The following TBC1D16 variants were observed in gnomAD, a reference collection of about 807,000 sequenced individuals.
The protein encoded by TBC1D16 is CTD-2529O21.1.
Under a neutral mutation model 74.7 loss-of-function variants are expected in TBC1D16, and 58 were observed. The ratio of observed to expected loss-of-function variants is 0.78; its 90% confidence interval spans 0.63 to 0.97. TBC1D16 has a LOEUF of 0.97. Ranked by LOEUF, TBC1D16 falls within the 50% of genes least tolerant of loss-of-function variation. The pLI is 0.00. For missense variants in TBC1D16, 1,014 were observed against 1,079.5 expected (o/e 0.94, Z 0.85); for synonymous variants, 493 against 474.7 (o/e 1.04, Z -0.50).
chr17:80,030,719 C>T (rs375466998), intron 1 of TBC1D16, among the ~76,000 whole-genome samples: 200 of 152,324 alleles, frequency 1.3e-3, no homozygotes, highest in Middle Eastern at 0.01. Context: ...GCAGTTCCCA[C>T]TCACCAGAGG....
rs1385429063 is a variant in TBC1D16, at chr17:79,994,946, G to A, written c.779+15214C>T. ...GAATGATACTATTTTGAACAAGCTG[G>A]GTAATTTACAAAAATTTTCACCTTT... On this transcript the variant is annotated intron_variant, in intron 3 of 11. Coordinates refer to ENST00000310924, the MANE Select transcript of TBC1D16 (RefSeq NM_019020.4). The surrounding 1 kb of genome is among the most constrained non-coding windows in gnomAD (Gnocchi z 4.6). Among the ~76,000 whole-genome samples the A allele has an allele frequency of 9.2e-5, 14 of 152,152 alleles. No homozygotes were observed. The highest frequency in any genetic ancestry group is 7.2e-4 in the Admixed American group (11 of 15,266).
Position 79,981,437 on chromosome 17 carries a change from C to A in TBC1D16, c.780-28619G>T, listed in dbSNP as rs901445802. Among the ~76,000 whole-genome samples the A allele has an allele frequency of 2.0e-5, 3 of 152,350 alleles. No individual in the cohort carries two copies. The highest frequency in any genetic ancestry group is 1.3e-4 in the Admixed American group (2 of 15,310). ...CCTCTAATACCTCCTCAGAGCTTTC[C>A]GGAGAGAAGGGAGGAAGCCAGGGAA... On this transcript the variant is annotated intron_variant, in intron 3 of 11. Coordinates refer to ENST00000310924, the MANE Select transcript of TBC1D16 (RefSeq NM_019020.4). The surrounding 1 kb of genome is among the most constrained non-coding windows in gnomAD (Gnocchi z 6.9).
intron 3 of TBC1D16, among the ~76,000 whole-genome samples, chr17:79,998,039 C>T (rs1029471805): frequency 6.7e-5 from 10 of 148,740 alleles, no homozygotes; most frequent in African/African-American, 2.5e-4. Context: ...GCAGGAAAAT[C>T]GCTTGAACCC....
intron 3 of TBC1D16, among the ~76,000 whole-genome samples, chr17:79,997,099 C>T (rs944973360): frequency 2.0e-5 from 3 of 152,174 alleles, no homozygotes; most frequent in African/African-American, 7.2e-5. Flanking sequence ...TGCCCTGTGC[C>T]AGGGCAGCGT....
chr17:80,008,468 AC>A lies in TBC1D16; in HGVS notation c.779+1691del, dbSNP rs2035758876. On this transcript the variant is annotated intron_variant, in intron 3 of 11. Transcript: ENST00000310924. The surrounding 1 kb of genome is among the most constrained non-coding windows in gnomAD (Gnocchi z 4.5). ...TCCTCAGCCCCAAGACCGTGGGCCA[AC>A]CCCACCACCTCTCTGAGACACAACT... 6.6e-6 allele frequency among the ~76,000 whole-genome samples: 1 copy of A among 151,738 alleles called. No homozygotes were observed. Among genetic ancestry groups the A allele is most frequent in the Admixed American group, 6.6e-5 (1 of 15,216 alleles).
chr17:80,013,541 G>C lies in TBC1D16; in HGVS notation c.7C>G (p.Leu3Val). The C allele has an allele frequency of 1.3e-6, 2 of 1,515,086 alleles. No individual in the cohort carries two copies. Among genetic ancestry groups the C allele is most frequent in the Non-Finnish European group, 1.8e-6 (2 of 1,130,436 alleles). The allele number at this position is 1,515,086 out of a possible 1,614,324, so 93.9% of individuals were successfully genotyped here. Residue 3 changes from leucine (L) to valine (V), a missense_variant, in exon 2 of 12, where the codon CTG becomes GTG. Coordinates refer to ENST00000310924, the MANE Select transcript of TBC1D16 (RefSeq NM_019020.4). MS[L>V]GRLLRRASSK... is the part of the protein sequence containing the mutation. The stretch of plus-strand genomic sequence containing the variant: ...GAGGCCCTGCGAAGGAGGCGGCCCA[G>C]AGACATTGCCGGGCAAGTGTTTCCA...
intron 3 of TBC1D16, among the ~76,000 whole-genome samples, chr17:79,999,791 G>T (rs1438279454): frequency 6.6e-6 from 1 of 151,958 alleles, no homozygotes. Flanking sequence ...TGATCCGCCC[G>T]CCTTGGGCTC....
intron 1 of TBC1D16, among the ~76,000 whole-genome samples, chr17:80,034,435 C>T (rs1006575049): frequency 6.6e-6 from 1 of 152,108 alleles, no homozygotes; most frequent in Non-Finnish European, 1.5e-5. Flanking sequence ...CTCCTGACCT[C>T]AGGTGATCCG....
rs972053043 is a variant in TBC1D16, at chr17:79,943,947, C to T, written c.1908+961G>A. The stretch of plus-strand genomic sequence containing the variant: ...AGACCGTCCATGCCGTGCTTCCCTT[C>T]GTTAATGCAGATCGTCCACCCTGCA... On this transcript the variant is annotated intron_variant, in intron 10 of 11. Transcript: ENST00000310924. The T allele has an allele frequency of 3.5e-4, 512 of 1,481,534 alleles. 1 individual carries two copies. Among genetic ancestry groups the T allele is most frequent in the Non-Finnish European group, 3.9e-4 (437 of 1,114,556 alleles). The allele number at this position is 1,481,534 out of a possible 1,614,324, so 91.8% of individuals were successfully genotyped here. A position where few individuals can be genotyped will look rare whatever the true frequency, so the allele number is the denominator to read the frequency against.
At position 79,938,944 on chromosome 17, in the gene TBC1D16, G is replaced by A. The variant is rs1427652071; in HGVS notation, c.*1915C>T. The A allele has an allele frequency of 6.6e-6, 1 of 152,586 alleles. No individual in the cohort carries two copies. The highest frequency in any genetic ancestry group is 2.4e-5 in the African/African-American group (1 of 41,450). The allele number at this position is 152,586 out of a possible 1,614,324, so 9.5% of individuals were successfully genotyped here. A position where few individuals can be genotyped will look rare whatever the true frequency, so the allele number is the denominator to read the frequency against. On this transcript the variant is annotated 3_prime_UTR_variant, in exon 12 of 12. Transcript: ENST00000310924. ...ATCCCCTGGGACTTAACAACCCACT[G>A]GCCCTAAACAAACAAGCCCAGCCTA...
intron 8 of TBC1D16, among the ~76,000 whole-genome samples, chr17:79,948,270 AC>A (rs1287143315): frequency 6.8e-6 from 1 of 148,064 alleles, no homozygotes; most frequent in Non-Finnish European, 1.5e-5. Context: ...CCGAGATCAC[AC>A]CACTGCACTC....
rs1277762835 is a variant in TBC1D16 at position 79,971,996 on chromosome 17, C to T, written c.780-19178G>A. 1.3e-5 allele frequency among the ~76,000 whole-genome samples: 2 copies of T among 152,046 alleles called. No homozygotes were observed. Among genetic ancestry groups the T allele is most frequent in the Non-Finnish European group, 1.5e-5 (1 of 68,008 alleles). ...CCTGGCATTGATTTTTAAAAAGGGT[C>T]GCTCAAAAGAACTGAAAGCAGGGAC... On this transcript the variant is annotated intron_variant, in intron 3 of 11. Coordinates refer to ENST00000310924, the MANE Select transcript of TBC1D16 (RefSeq NM_019020.4). The surrounding 1 kb of genome is among the most constrained non-coding windows in gnomAD (Gnocchi z 4.6).
At position 79,979,542 on chromosome 17, in the gene TBC1D16, C is replaced by T. The variant is rs911946397; in HGVS notation, c.780-26724G>A. Among the ~76,000 whole-genome samples, 2 of 152,182 alleles carry T rather than the reference C, an allele frequency of 1.3e-5. No individual in the cohort carries two copies. Among genetic ancestry groups the T allele is most frequent in the South Asian group, 4.1e-4 (2 of 4,828 alleles). On this transcript the variant is annotated intron_variant, in intron 3 of 11. Transcript: ENST00000310924. This position sits in a 1 kb window ranked among gnomAD's most constrained non-coding sequence, Gnocchi z 4.8. Reference sequence around the variant, plus strand: ...CCTGTGTCATCTCTGCAGGACCAAACAGTCAATTAGTATCCAAATACTTTT... The same window carrying T: ...CCTGTGTCATCTCTGCAGGACCAAATAGTCAATTAGTATCCAAATACTTTT...
chr17:79,947,621 C>T (rs1275860614), intron 9 of TBC1D16, 24 bp downstream of exon 9: 10 of 1,612,068 alleles, frequency 6.2e-6, no homozygotes, highest in African/African-American at 1.3e-5. Context: ...TGCCCTTGGA[C>T]GCACCCATCC....
chr17:79,989,825 G>A (rs1011230416), intron 3 of TBC1D16, among the ~76,000 whole-genome samples: 4 of 152,074 alleles, frequency 2.6e-5, no homozygotes, highest in African/African-American at 9.7e-5. Flanking sequence ...GTGCGGAGAG[G>A]GACCCACTGT....
In TBC1D16 at chr17:79,944,738, T is replaced by C. The variant is rs945644114; in HGVS notation, c.1908+170A>G. On this transcript the variant is annotated intron_variant, in intron 10 of 11. Transcript: ENST00000310924. The surrounding 1 kb of genome is among the most constrained non-coding windows in gnomAD (Gnocchi z 7.7). ...TTTCAGTGACTGGGGAGGCGAGCTGTAAGGTCTGAAGCCAGCCACGTGGGA... is the reference window on the plus strand; with the variant it reads ...TTTCAGTGACTGGGGAGGCGAGCTGCAAGGTCTGAAGCCAGCCACGTGGGA... Among the ~76,000 whole-genome samples the C allele has an allele frequency of 1.3e-5, 2 of 152,010 alleles. No individual in the cohort carries two copies. Among genetic ancestry groups the C allele is most frequent in the Non-Finnish European group, 2.9e-5 (2 of 67,990 alleles).
At chr17:80,017,608 G>A (rs544624213) in intron 1 of TBC1D16, among the ~76,000 whole-genome samples, 14 of 151,420 alleles carry the variant, frequency 9.2e-5, no homozygotes, top group African/African-American at 3.4e-4. Flanking sequence ...TTGAACCCAG[G>A]GGGCAGAGGT....
chr17:80,033,763 A>G (rs1336485601), intron 1 of TBC1D16, among the ~76,000 whole-genome samples: 1 of 152,252 alleles, frequency 6.6e-6, no homozygotes, highest in Non-Finnish European at 1.5e-5. Context: ...AATTGTAGGT[A>G]GGTTCTGCAA....
chr17:79,950,867 G>A lies in TBC1D16; in HGVS notation c.1090-289C>T. 12 of 1,515,768 alleles carry A rather than the reference G, an allele frequency of 7.9e-6. No homozygotes were observed. The highest frequency in any genetic ancestry group is 1.1e-5 in the Non-Finnish European group (12 of 1,134,176). The allele number at this position is 1,515,768 out of a possible 1,614,324, so 93.9% of individuals were successfully genotyped here. On this transcript the variant is annotated intron_variant, in intron 5 of 11. Transcript: ENST00000310924. This position sits in a 1 kb window ranked among gnomAD's most constrained non-coding sequence, Gnocchi z 4.6. ...CAAAAACGGAATGAATGCCTCGTTC[G>A]GCCTAACTTCCCTCTGCCGGGAGGG...
Sources: allele counts gnomAD v4.1 joint callset (sites outside exome capture counted in the v4.1 genomes callset), GRCh38; gene constraint gnomAD v4.1.1; non-coding constraint Gnocchi (gnomAD v3.1); transcripts MANE v1.5; gene names NCBI Gene and HGNC (gene_info 2026-07-23, HGNC 2026-07-21).